The following CRYBG3 variants were observed in gnomAD, a reference collection of about 807,000 sequenced individuals.
CRYBG3 encodes crystallin beta-gamma domain containing 3.
Under a neutral mutation model 244.2 loss-of-function variants are expected in CRYBG3, and 127 were observed. That is an observed-to-expected ratio of 0.52 (90% confidence interval 0.45 to 0.60). The LOEUF (loss-of-function observed/expected upper bound fraction) is 0.60, where lower values mean the gene tolerates loss of function less well. Ranked by LOEUF, CRYBG3 falls within the 20% of genes least tolerant of loss-of-function variation. CRYBG3 has a pLI of 0.00. For missense variants in CRYBG3, 3,325 were observed against 3,442.5 expected (o/e 0.97, Z 0.85); for synonymous variants, 1,132 against 1,195.8 (o/e 0.95, Z 1.10).
At chr3:97,924,665 A>G (rs1371567947) in intron 17 of CRYBG3, among the ~76,000 whole-genome samples, 1 of 152,056 alleles carries the variant, frequency 6.6e-6, no homozygotes, top group African/African-American at 2.4e-5. Flanking sequence ...TCATCTTCAA[A>G]GTGCATCACT....
At position 97,874,466 on chromosome 3, in the gene CRYBG3, A is replaced by G. The variant is rs1228438201; in HGVS notation, c.3272A>G (p.Asp1091Gly). The part of the protein sequence containing the change: ...NNLDSIQVTK[D>G]LTHEGTSVTN... Reference sequence around the variant, plus strand: ...TTGGATTCTATACAAGTTACCAAAGATCTCACACATGAAGGTACCTCTGTA... The same window carrying G: ...TTGGATTCTATACAAGTTACCAAAGGTCTCACACATGAAGGTACCTCTGTA... The change falls in exon 4 of 22, where the codon GAT (aspartate) becomes GGT (glycine). Residue 1091 changes from aspartate to glycine, a missense_variant. Physicochemically the swap from Asp to Gly is moderately conservative, Grantham distance 94 (BLOSUM62 -1). Around this residue, in one of 4 missense-constraint regions of CRYBG3, gnomAD observed 1,526 missense variants for 1,443.2 expected, o/e 1.06. Coordinates refer to ENST00000389622, the MANE Select transcript of CRYBG3 (RefSeq NM_153605.4). 1 of 1,534,456 alleles carries G rather than the reference A, an allele frequency of 6.5e-7. No individual in the cohort carries two copies. Among genetic ancestry groups the G allele is most frequent in the East Asian group, 2.4e-5 (1 of 40,910 alleles).
At chr3:97,827,220 C>T (rs1456064794) in intron 1 of CRYBG3, among the ~76,000 whole-genome samples, 1 of 152,086 alleles carries the variant, frequency 6.6e-6, no homozygotes, top group Admixed American at 6.6e-5. Context: ...ATTGCTAGAC[C>T]CAAGGTCAGG....
chr3:97,827,848 CA>C (rs1559710296), intron 1 of CRYBG3, among the ~76,000 whole-genome samples: 1 of 152,136 alleles, frequency 6.6e-6, no homozygotes, highest in African/African-American at 2.4e-5. Context: ...TCAAAGCCTA[CA>C]GCATTATGTG....
intron 7 of CRYBG3, among the ~76,000 whole-genome samples, 194 bp from the exon 8 acceptor site, chr3:97,886,437 A>C (rs988601593): frequency 6.6e-6 from 1 of 152,122 alleles, no homozygotes; most frequent in Non-Finnish European, 1.5e-5. Context: ...TATGATTTTC[A>C]TGTCATTAAC....
intron 17 of CRYBG3, among the ~76,000 whole-genome samples, chr3:97,926,728 G>C (rs934344370): frequency 3.3e-5 from 5 of 152,032 alleles, no homozygotes; most frequent in African/African-American, 1.2e-4. Flanking sequence ...AATATTTCAG[G>C]ATACAAAATC....
chr3:97,943,586 GAA>G lies in CRYBG3; in HGVS notation c.*273_*274del, dbSNP rs1035948391. ...TCCAGCTGTGGTGAGCAAGTTTCCTGAAGTGTTTATTTTCTCTCATATCCACC... is the reference window on the plus strand; with the variant it reads ...TCCAGCTGTGGTGAGCAAGTTTCCTGGTGTTTATTTTCTCTCATATCCACC... On this transcript the variant is annotated 3_prime_UTR_variant, in exon 22 of 22. Coordinates refer to ENST00000389622, the MANE Select transcript of CRYBG3 (RefSeq NM_153605.4). 3 of 379,442 alleles carry G rather than the reference GAA, an allele frequency of 7.9e-6. No homozygotes were observed. Among genetic ancestry groups the G allele is most frequent in the African/African-American group, 6.5e-5 (3 of 46,052 alleles). 23.5% of individuals were successfully genotyped at this position (379,442 alleles called of 1,614,324 possible). A position where few individuals can be genotyped will look rare whatever the true frequency, so the allele number is the denominator to read the frequency against.
intron 2 of CRYBG3, among the ~76,000 whole-genome samples, chr3:97,854,722 T>C (rs1222282819): frequency 6.6e-6 from 1 of 152,040 alleles, no homozygotes; most frequent in Non-Finnish European, 1.5e-5. Context: ...GGAATTTTAC[T>C]GAATTCATGT....
chr3:97,901,813 A>G (rs1207008152), intron 15 of CRYBG3, among the ~76,000 whole-genome samples: 1 of 151,978 alleles, frequency 6.6e-6, no homozygotes, highest in Admixed American at 6.6e-5. Context: ...GATTTTCTTG[A>G]TAGTATTTCC....
At chr3:97,868,244 A>G (rs1020950531) in intron 3 of CRYBG3, among the ~76,000 whole-genome samples, 2 of 150,846 alleles carry the variant, frequency 1.3e-5, no homozygotes, top group African/African-American at 4.9e-5. Flanking sequence ...AGATAGCACC[A>G]CTGCAGTCCG....
chr3:97,928,671 T>C (rs1469832735), intron 17 of CRYBG3, among the ~76,000 whole-genome samples: 1 of 151,998 alleles, frequency 6.6e-6, no homozygotes, highest in Non-Finnish European at 1.5e-5. Flanking sequence ...ATGTATGGCC[T>C]AAAAGGAAAC....
rs2039192684 is a variant in CRYBG3, at chr3:97,864,261, C to G, written c.261C>G (p.Val87=). ...EDKRNHAEKP[V]TLPVQEDPKK... is the part of the protein sequence containing the mutation. Reference sequence around the variant, plus strand: ...AAAGGAACCATGCTGAGAAGCCAGTCACTCTTCCAGTGCAGGAAGATCCCA... The same window carrying G: ...AAAGGAACCATGCTGAGAAGCCAGTGACTCTTCCAGTGCAGGAAGATCCCA... The change falls in exon 3 of 22, where the codon GTC becomes GTG. Residue 87 remains valine, a synonymous_variant. Coordinates refer to ENST00000389622, the MANE Select transcript of CRYBG3 (RefSeq NM_153605.4). 6.6e-7 allele frequency: 1 copy of G among 1,524,396 alleles called. No individual in the cohort carries two copies. The highest frequency in any genetic ancestry group is 1.2e-5 in the South Asian group (1 of 81,438). 94.4% of individuals were successfully genotyped at this position (1,524,396 alleles called of 1,614,324 possible). A position where few individuals can be genotyped will look rare whatever the true frequency, so the allele number is the denominator to read the frequency against.
In CRYBG3 at chr3:97,936,833, C is replaced by G; in HGVS notation, c.8430C>G (p.Leu2810=). Residue 2810 remains leucine, a synonymous_variant, in exon 19 of 22, where the codon CTC becomes CTG. Transcript: ENST00000389622. ...ATTTCTTGGGAAGACAAATCCTACTCAGGCCTAATGAGATCCCAAACTGGA... is the reference window on the plus strand; with the variant it reads ...ATTTCTTGGGAAGACAAATCCTACTGAGGCCTAATGAGATCCCAAACTGGA... ...GSNFLGRQIL[L]RPNEIPNWTA... The G allele has an allele frequency of 6.2e-7, 1 of 1,612,918 alleles. No individual in the cohort carries two copies. Among genetic ancestry groups the G allele is most frequent in the Non-Finnish European group, 8.5e-7 (1 of 1,179,280 alleles).
intron 17 of CRYBG3, among the ~76,000 whole-genome samples, chr3:97,929,142 A>G (rs1157024112): frequency 6.6e-6 from 1 of 151,982 alleles, no homozygotes; most frequent in Non-Finnish European, 1.5e-5. Context: ...CATGATTTAG[A>G]CTTAATCCGG....
chr3:97,856,838 T>C (rs903136477), intron 2 of CRYBG3, among the ~76,000 whole-genome samples: 2 of 152,130 alleles, frequency 1.3e-5, no homozygotes, highest in Non-Finnish European at 2.9e-5. Context: ...AATTTTGTTT[T>C]TATAAAAAAC....
chr3:97,942,650 T>A, intron 21 of CRYBG3: 1 of 470,196 alleles, frequency 2.1e-6, no homozygotes, highest in Non-Finnish European at 3.7e-6. Flanking sequence ...TTTTGTTCAT[T>A]AGTACAGTTG....
chr3:97,856,402 C>T (rs2039065225), intron 2 of CRYBG3, among the ~76,000 whole-genome samples: 1 of 152,088 alleles, frequency 6.6e-6, no homozygotes, highest in Non-Finnish European at 1.5e-5. Flanking sequence ...CATACATCCT[C>T]ATCAGCTGAC....
intron 3 of CRYBG3, among the ~76,000 whole-genome samples, chr3:97,868,858 G>C (rs1422302888): frequency 6.6e-6 from 1 of 152,048 alleles, no homozygotes; most frequent in Non-Finnish European, 1.5e-5. Flanking sequence ...TACTATACTA[G>C]AATGAATTTC....
chr3:97,942,149 C>T, intron 20 of CRYBG3, 135 bp from the exon 21 acceptor site: 3 of 631,410 alleles, frequency 4.8e-6, no homozygotes, highest in Non-Finnish European at 4.9e-6. Flanking sequence ...TGAAATTATA[C>T]TATATAGTAT....
intron 1 of CRYBG3, 111 bp from the exon 2 acceptor site, chr3:97,843,084 T>G: frequency 3.2e-6 from 2 of 625,540 alleles, no homozygotes; most frequent in Non-Finnish European, 5.5e-6. Context: ...GGTGTATCAA[T>G]CTTTGAGCAT....
Sources: gnomAD v4.1 joint callset for allele counts (sites outside exome capture counted in the v4.1 genomes callset) on GRCh38, gnomAD v4.1.1 for gene constraint, gnomAD v4.1.1 regional missense constraint, MANE v1.5 for transcripts, NCBI Gene and HGNC (gene_info 2026-07-23, HGNC 2026-07-21) for gene names.